The following INPP4B variants were observed in gnomAD, a reference collection of about 807,000 sequenced individuals.
The protein encoded by INPP4B is inositol polyphosphate 4-phosphatase type II.
A neutral mutation model predicts 122.5 loss-of-function variants in INPP4B; 55 were observed. The ratio of observed to expected loss-of-function variants is 0.45; its 90% CI spans 0.36 to 0.56. The LOEUF is 0.56. Among genes scored for constraint, INPP4B ranks in the 20% least tolerant of loss-of-function variants. The pLI, the probability that INPP4B is intolerant of heterozygous loss-of-function variation, is 0.00. For missense variants in INPP4B, 1,000 were observed against 1,097.7 expected, an observed-to-expected ratio of 0.91 and a Z score of 1.26; for synonymous variants, 403 against 388.7, an observed-to-expected ratio of 1.04 and a Z score of -0.43.
intron 25 of INPP4B, among the ~76,000 whole-genome samples, chr4:142,050,015 A>G (rs879575376): frequency 6.6e-6 from 1 of 152,046 alleles, no homozygotes; most frequent in Admixed American, 6.6e-5. Context: ...GTTCTTATCC[A>G]CGTAAAATAC....
chr4:142,033,527 G>A (rs925694483), intron 25 of INPP4B, among the ~76,000 whole-genome samples: 2 of 152,092 alleles, frequency 1.3e-5, no homozygotes, highest in Admixed American at 6.6e-5. Context: ...GTGCTGAAAG[G>A]AACCTCTAGA....
chr4:142,658,556 T>C (rs1754579961), intron 2 of INPP4B, among the ~76,000 whole-genome samples: 1 of 152,258 alleles, frequency 6.6e-6, no homozygotes, highest in Admixed American at 6.5e-5. Flanking sequence ...CTCTGCCTGG[T>C]TCCTCTAGAA....
chr4:142,378,007 C>A lies in INPP4B; in HGVS notation c.372+24931G>T, dbSNP rs558956792. Reference sequence around the variant, plus strand: ...ATACACAGTGTCACTAGGAAAGAATCCCTGAGTTGAAGAAAAATATCTGTA... The same window carrying A: ...ATACACAGTGTCACTAGGAAAGAATACCTGAGTTGAAGAAAAATATCTGTA... On this transcript the variant is annotated intron_variant, in intron 7 of 25. Coordinates refer to ENST00000262992, the MANE Select transcript of INPP4B (RefSeq NM_001101669.3). Among the ~76,000 whole-genome samples the A allele has an allele frequency of 1.2e-4, 18 of 152,170 alleles. No homozygotes were observed. The South Asian group carries it at 3.1e-3, about 26-fold the overall frequency.
intron 12 of INPP4B, among the ~76,000 whole-genome samples, chr4:142,219,220 T>C (rs963376901): frequency 6.6e-6 from 1 of 152,188 alleles, no homozygotes; most frequent in Non-Finnish European, 1.5e-5. Context: ...ATACAAAGAC[T>C]GACAGTTGGA....
intron 2 of INPP4B, among the ~76,000 whole-genome samples, chr4:142,595,740 G>T (rs1459465648): frequency 6.6e-6 from 1 of 152,166 alleles, no homozygotes; most frequent in Non-Finnish European, 1.5e-5. Context: ...ATTTTGCTTT[G>T]CTCTTCACAG....
chr4:142,450,056 T>A (rs903735730), intron 3 of INPP4B, among the ~76,000 whole-genome samples: 1 of 152,124 alleles, frequency 6.6e-6, no homozygotes, highest in Non-Finnish European at 1.5e-5. Context: ...CTGTAAGAAG[T>A]TGACCTCTTT....
intron 21 of INPP4B, among the ~76,000 whole-genome samples, chr4:142,120,251 T>C (rs1436498403): frequency 6.6e-6 from 1 of 152,128 alleles, no homozygotes; most frequent in Non-Finnish European, 1.5e-5. Context: ...TATAGTTTTG[T>C]AGTAATTTGT....
intron 1 of INPP4B, among the ~76,000 whole-genome samples, chr4:142,815,327 A>T (rs1225705933): frequency 2.0e-5 from 3 of 152,206 alleles, no homozygotes; most frequent in African/African-American, 2.4e-5. Flanking sequence ...AGCTGTAGTT[A>T]ATAATGTATC....
At chr4:142,586,945 AAAT>A (rs1736347926) in intron 2 of INPP4B, among the ~76,000 whole-genome samples, 2 of 152,172 alleles carry the variant, frequency 1.3e-5, no homozygotes, top group African/African-American at 4.8e-5. Flanking sequence ...ACAAATTCTG[AAAT>A]ATGGTGGAAG....
chr4:142,744,679 T>C (rs1472761343), intron 1 of INPP4B, among the ~76,000 whole-genome samples: 4 of 151,382 alleles, frequency 2.6e-5, no homozygotes, highest in Non-Finnish European at 5.9e-5. Flanking sequence ...AATAAAAATA[T>C]CCTTCAAAAA....
At chr4:142,361,567 C>T (rs1785407131) in intron 7 of INPP4B, among the ~76,000 whole-genome samples, 1 of 151,822 alleles carries the variant, frequency 6.6e-6, no homozygotes, top group Non-Finnish European at 1.5e-5. Flanking sequence ...TTCAAGTTTC[C>T]ACTTGAATAT....
At chr4:142,725,698 AG>A in intron 2 of INPP4B, 140 bp downstream of exon 2, 5 of 386,798 alleles carry the variant, frequency 1.3e-5, no homozygotes, top group Non-Finnish European at 2.3e-5. Context: ...GATCATCGTA[AG>A]GCCTTCCCTT....
intron 2 of INPP4B, among the ~76,000 whole-genome samples, chr4:142,633,407 AG>A (rs1748419742): frequency 6.6e-6 from 1 of 152,188 alleles, no homozygotes; most frequent in Non-Finnish European, 1.5e-5. Context: ...TGAAAAATAT[AG>A]AGCGCTTTTC....
At chr4:142,079,688 C>T (rs749302308) in intron 25 of INPP4B, among the ~76,000 whole-genome samples, 1 of 151,892 alleles carries the variant, frequency 6.6e-6, no homozygotes, top group African/African-American at 2.4e-5. Context: ...TATAAAAAAC[C>T]TATTCAGGGA....
intron 2 of INPP4B, among the ~76,000 whole-genome samples, chr4:142,675,437 C>G (rs1757613360): frequency 6.6e-6 from 1 of 152,144 alleles, no homozygotes; most frequent in Non-Finnish European, 1.5e-5. Context: ...GGAGCTGGTA[C>G]CATTCCTTCT....
intron 7 of INPP4B, among the ~76,000 whole-genome samples, chr4:142,334,893 A>G (rs1776019251): frequency 6.6e-6 from 1 of 152,026 alleles, no homozygotes; most frequent in South Asian, 2.1e-4. Flanking sequence ...CATGGTTTGC[A>G]AATATTTTTC....
At chr4:142,388,415 T>A (rs2148952516) in intron 7 of INPP4B, among the ~76,000 whole-genome samples, 1 of 152,220 alleles carries the variant, frequency 6.6e-6, no homozygotes, top group African/African-American at 2.4e-5. Flanking sequence ...TTGACTAAAT[T>A]ATTTTTCTCT....
chr4:142,764,603 A>G (rs1163711353), intron 1 of INPP4B, among the ~76,000 whole-genome samples: 1 of 152,200 alleles, frequency 6.6e-6, no homozygotes, highest in Non-Finnish European at 1.5e-5. Flanking sequence ...ATCAGAATTC[A>G]TAGCAGCCAT....
intron 21 of INPP4B, 80 bp downstream of exon 21, chr4:142,122,048 A>G: frequency 2.3e-6 from 2 of 857,600 alleles, no homozygotes; most frequent in East Asian, 5.4e-5. Flanking sequence ...ATCAAACCTG[A>G]ATTCTCCTTG....
Sources: gnomAD v4.1 joint callset for allele counts (sites outside exome capture counted in the v4.1 genomes callset) on GRCh38, gnomAD v4.1.1 for gene constraint, MANE v1.5 for transcripts, NCBI Gene and HGNC (gene_info 2026-07-23, HGNC 2026-07-21) for gene names.